The following RNF19A variants were observed in gnomAD, a reference collection of about 807,000 sequenced individuals.
RNF19A encodes the protein E3 ubiquitin-protein ligase RNF19A.
A neutral mutation model predicts 75.7 loss-of-function variants in RNF19A; 32 were observed. The observed-to-expected ratio is 0.42, with a 90% CI of 0.32 to 0.57. RNF19A has a LOEUF of 0.57. Among genes scored for constraint, RNF19A ranks in the 20% least tolerant of loss-of-function variants. The pLI is 0.10. For missense variants in RNF19A, 782 were observed against 1,036.3 expected (o/e 0.75, Z 3.37); for synonymous variants, 335 against 345.2 (o/e 0.97, Z 0.33).
chr8:100,303,933 T>C (rs1821957145), intron 1 of RNF19A, among the ~76,000 whole-genome samples: 1 of 151,852 alleles, frequency 6.6e-6, no homozygotes, highest in African/African-American at 2.4e-5. Flanking sequence ...TGAAACTCTG[T>C]CTCCAAAAAA....
intron 1 of RNF19A, among the ~76,000 whole-genome samples, chr8:100,303,984 G>T (rs891953817): frequency 3.3e-5 from 5 of 152,038 alleles, no homozygotes; most frequent in Admixed American, 2.6e-4. Flanking sequence ...TTGAGACACA[G>T]ATTTGCTTGT....
chr8:100,263,942 C>A (rs1381038502), intron 7 of RNF19A, 92 bp downstream of exon 7: 2 of 1,050,228 alleles, frequency 1.9e-6, no homozygotes, highest in East Asian at 2.4e-5. Context: ...AAAAGGATGG[C>A]AATGGAAATT....
chr8:100,311,151 G>A (rs1822284727), upstream of RNF19A, among the ~76,000 whole-genome samples: 2 of 152,180 alleles, frequency 1.3e-5, 1 homozygote, highest in South Asian at 4.1e-4. Context: ...TGGTCTTTCC[G>A]AATGTACTTG....
chr8:100,265,212 G>T (rs1188308722), intron 5 of RNF19A, among the ~76,000 whole-genome samples: 1 of 152,058 alleles, frequency 6.6e-6, no homozygotes, highest in African/African-American at 2.4e-5. Context: ...TGGCTTCTAG[G>T]GAAGGTTTCT....
At chr8:100,262,475 G>A (rs999198893) in intron 7 of RNF19A, among the ~76,000 whole-genome samples, 5 of 152,034 alleles carry the variant, frequency 3.3e-5, no homozygotes, top group African/African-American at 7.2e-5. Context: ...TAAAAGCCTA[G>A]AAGTAGGATA....
chr8:100,317,038 G>A lies in RNF19A; in HGVS notation c.-242-3666C>T, dbSNP rs1169092520. Among the ~76,000 whole-genome samples, 2 of 151,792 alleles carry A rather than the reference G, an allele frequency of 1.3e-5. No individual in the cohort carries two copies. The highest frequency in any genetic ancestry group is 1.9e-4 in the East Asian group (1 of 5,174). ...CCGGGTGCTAAGTCCCTCATTGCCC[G>A]GGACCAGCAGCGCTGCCCGGCTACT... On this transcript the variant is annotated intron_variant, in intron 1 of 3. Transcript: ENST00000519527. The surrounding 1 kb of genome is among the most constrained non-coding windows in gnomAD (Gnocchi z 4.3).
chr8:100,324,689 T>C lies in RNF19A; in HGVS notation c.-242-11317A>G, dbSNP rs1361463798. On this transcript the variant is annotated intron_variant, in intron 1 of 3. Coordinates refer to the RNF19A transcript ENST00000519527. This position sits in a 1 kb window ranked among gnomAD's most constrained non-coding sequence, Gnocchi z 4.2. ...AGAAACCTAAATATGAATCTACGCG[T>C]TTGCTTCAAGAAAATTCAAAATAAA... is the stretch of plus-strand genomic sequence containing the variant. Among the ~76,000 whole-genome samples the C allele has an allele frequency of 6.6e-6, 1 of 152,160 alleles. No homozygotes were observed. Among genetic ancestry groups the C allele is most frequent in the Non-Finnish European group, 1.5e-5 (1 of 68,030 alleles).
Position 100,333,080 on chromosome 8 carries a change from GA to G in RNF19A, c.-243+3027del, listed in dbSNP as rs59885259. On this transcript the variant is annotated intron_variant, in intron 1 of 3. Coordinates refer to the RNF19A transcript ENST00000519527. The surrounding 1 kb of genome is among the most constrained non-coding windows in gnomAD (Gnocchi z 4.7). ...GTTCCTTCTTACCATTTCTAGTATG[GA>G]AAAAAAAAAGAACAAACCTAGGTTC... Among the ~76,000 whole-genome samples the G allele has an allele frequency of 0.16, 23,908 of 148,934 alleles. 1,957 individuals are homozygous for G. Among genetic ancestry groups the G allele is most frequent in the Middle Eastern group, 0.21 (61 of 292 alleles).
At chr8:100,265,763 G>C (rs921319944) in intron 5 of RNF19A, among the ~76,000 whole-genome samples, 2 of 152,178 alleles carry the variant, frequency 1.3e-5, no homozygotes, top group African/African-American at 4.8e-5. Context: ...GGGGTGGGAG[G>C]TGGGTGATGC....
intron 1 of RNF19A, among the ~76,000 whole-genome samples, chr8:100,308,169 T>C (rs1586687252): frequency 1.3e-5 from 2 of 152,166 alleles, no homozygotes; most frequent in African/African-American, 2.4e-5. Flanking sequence ...AAAAATACAC[T>C]AACATTAGTT....
intron 3 of RNF19A, among the ~76,000 whole-genome samples, chr8:100,272,817 TG>T (rs1269355609): frequency 6.6e-6 from 1 of 151,838 alleles, no homozygotes; most frequent in Non-Finnish European, 1.5e-5. Flanking sequence ...CCCAAAGTGC[TG>T]GAATTATAGG....
At position 100,287,601 on chromosome 8, in the gene RNF19A, A is replaced by G. The variant is rs1357302787; in HGVS notation, c.574T>C (p.Leu192=). ...RFNPHDIRLI[L]SDDVLMEKYE... ...TTTTCCATCAAGACATCATCACTTA[A>G]TATCAAGCGAATATCATGGGGATTA... Residue 192 remains leucine, a synonymous_variant, in exon 2 of 10, where the codon TTA becomes CTA. Coordinates refer to ENST00000341084, the MANE Select transcript of RNF19A (RefSeq NM_183419.4). The surrounding 1 kb of genome is among the most constrained non-coding windows in gnomAD (Gnocchi z 4.1). The G allele has an allele frequency of 9.3e-6, 15 of 1,614,154 alleles. No individual in the cohort carries two copies. The highest frequency in any genetic ancestry group is 1.3e-5 in the Non-Finnish European group (15 of 1,179,984).
chr8:100,292,879 A>G (rs192643709), intron 1 of RNF19A, among the ~76,000 whole-genome samples: 2 of 152,250 alleles, frequency 1.3e-5, no homozygotes, highest in African/African-American at 4.8e-5. Context: ...TAATTGTTAC[A>G]TATTTACTTT....
intron 3 of RNF19A, among the ~76,000 whole-genome samples, chr8:100,272,270 C>T (rs1004147660): frequency 4.1e-4 from 63 of 152,092 alleles, no homozygotes; most frequent in African/African-American, 1.4e-3. Flanking sequence ...ACAATTTAAA[C>T]ACATATATAA....
intron 7 of RNF19A, among the ~76,000 whole-genome samples, chr8:100,263,543 A>G (rs976295905): frequency 9.2e-5 from 14 of 152,240 alleles, no homozygotes; most frequent in African/African-American, 3.1e-4. Context: ...TTTCTAAAAC[A>G]AGAATTGCTA....
chr8:100,275,033 C>A lies in RNF19A; in HGVS notation c.803G>T (p.Arg268Leu). The change falls in exon 3 of 10, where the codon CGA becomes CTA. Residue 268 changes from arginine (R) to leucine (L), a missense_variant. Around this residue, in one of 7 missense-constraint regions of RNF19A, gnomAD observed 34 missense variants for 25.2 expected, o/e 1.35. Coordinates refer to ENST00000341084, the MANE Select transcript of RNF19A (RefSeq NM_183419.4). This position sits in a 1 kb window ranked among gnomAD's most constrained non-coding sequence, Gnocchi z 4.3. ...WHPNQTCDAA[R>L]QERAQSLRLR... ...ACGTAAGCTCTGGGCTCTCTCTTGTCGAGCAGCATCACAGGTCTGGTTGGG... is the reference window on the plus strand; with the variant it reads ...ACGTAAGCTCTGGGCTCTCTCTTGTAGAGCAGCATCACAGGTCTGGTTGGG... 6.2e-7 allele frequency: 1 copy of A among 1,614,118 alleles called. No homozygotes were observed. The highest frequency in any genetic ancestry group is 8.5e-7 in the Non-Finnish European group (1 of 1,180,014).
At chr8:100,283,214 G>GAT in intron 2 of RNF19A, among the ~76,000 whole-genome samples, 2 of 29,352 alleles carry the variant, frequency 6.8e-5, no homozygotes, top group African/African-American at 8.4e-4. Context: ...CTGGTAGCAG[G>GAT]GTGGCCTTAG....
In RNF19A at chr8:100,332,254, G is replaced by A. The variant is rs1353772126; in HGVS notation, c.-243+3854C>T. ...CCATAATCCCCAAGTGTCGAGGGAG[G>A]GATGTGGTGGGAAGTGATTGGGTCA... On this transcript the variant is annotated intron_variant, in intron 1 of 3. Transcript: ENST00000519527. This position sits in a 1 kb window ranked among gnomAD's most constrained non-coding sequence, Gnocchi z 4.8. 1.3e-5 allele frequency among the ~76,000 whole-genome samples: 2 copies of A among 152,162 alleles called. No individual in the cohort carries two copies. Among genetic ancestry groups the A allele is most frequent in the African/African-American group, 2.4e-5 (1 of 41,438 alleles).
At chr8:100,280,293 A>G (rs549253804) in intron 2 of RNF19A, among the ~76,000 whole-genome samples, 1 of 152,322 alleles carries the variant, frequency 6.6e-6, no homozygotes, top group East Asian at 1.9e-4. Context: ...TATATCCCCC[A>G]AACTAGCAAA....
Sources: gnomAD v4.1 joint callset for allele counts (sites outside exome capture counted in the v4.1 genomes callset) on GRCh38, gnomAD v4.1.1 for gene constraint, gnomAD v4.1.1 regional missense constraint, Gnocchi (gnomAD v3.1) non-coding constraint, MANE v1.5 for transcripts, NCBI Gene and HGNC (gene_info 2026-07-23, HGNC 2026-07-21) for gene names.